The following EYS variants were observed in gnomAD, a reference collection of about 807,000 sequenced individuals.
EYS encodes EGF-like photoreceptor maintenance factor.
In EYS, 250 loss-of-function variants were observed where a neutral mutation model predicts 282.1. The observed-to-expected ratio is 0.89, with a 90% CI of 0.80 to 0.98. The LOEUF is 0.98. Ranked by LOEUF, EYS falls within the 50% of genes least tolerant of loss-of-function variation. EYS has a pLI of 0.00. For synonymous variants in EYS, 1,355 were observed against 1,282.9 expected (o/e 1.06, Z -1.20); for missense variants, 4,016 against 3,709.0 (o/e 1.08, Z -2.15).
At chr6:64,541,604 A>C (rs1764697271) in intron 26 of EYS, among the ~76,000 whole-genome samples, 1 of 152,084 alleles carries the variant, frequency 6.6e-6, no homozygotes, top group South Asian at 2.1e-4. Context: ...GTATTACTAA[A>C]GTATATTTTC....
intron 4 of EYS, among the ~76,000 whole-genome samples, chr6:65,492,432 A>T (rs1766084069): frequency 6.6e-6 from 1 of 152,192 alleles, no homozygotes. Flanking sequence ...AGTAGGAAGC[A>T]AACCATTCTA....
chr6:65,170,217 C>T (rs1208176171), intron 12 of EYS, among the ~76,000 whole-genome samples: 7 of 150,958 alleles, frequency 4.6e-5, no homozygotes, highest in African/African-American at 1.2e-4. Flanking sequence ...TGCACACACG[C>T]GCGCGTGCAC....
rs1296354646 is a variant in EYS, at chr6:65,282,722, T to C, written c.2023+13141A>G. Reference sequence around the variant, plus strand: ...ACAAAATAGCTCACTAATAATGGCTTTCCATAAAGACATGTGCACATTTTA... The same window carrying C: ...ACAAAATAGCTCACTAATAATGGCTCTCCATAAAGACATGTGCACATTTTA... On this transcript the variant is annotated intron_variant, in intron 12 of 42. Transcript: ENST00000503581. Among the ~76,000 whole-genome samples the C allele has an allele frequency of 3.3e-5, 5 of 152,110 alleles. No individual in the cohort carries two copies. The South Asian group carries it at 1.0e-3, about 32-fold the overall frequency.
intron 19 of EYS, among the ~76,000 whole-genome samples, chr6:64,838,992 T>C (rs181892674): frequency 3.3e-5 from 5 of 152,164 alleles, no homozygotes; most frequent in Admixed American, 2.6e-4. Flanking sequence ...ATGTGACATA[T>C]AGAATTTAAG....
intron 31 of EYS, among the ~76,000 whole-genome samples, chr6:64,165,047 T>TA (rs140609779): frequency 0.011 from 1,678 of 152,238 alleles, 29 homozygotes; most frequent in African/African-American, 0.038. Flanking sequence ...ACATTTCTAG[T>TA]AAAAATGACG....
intron 5 of EYS, among the ~76,000 whole-genome samples, chr6:65,466,417 C>G (rs2150413316): frequency 6.6e-6 from 1 of 151,844 alleles, no homozygotes; most frequent in Non-Finnish European, 1.5e-5. Context: ...TTATTAGAAA[C>G]AAATTCATTC....
At chr6:64,264,494 T>A (rs1767689944) in intron 30 of EYS, among the ~76,000 whole-genome samples, 1 of 152,108 alleles carries the variant, frequency 6.6e-6, no homozygotes, top group African/African-American at 2.4e-5. Context: ...AGTAGAAGTG[T>A]GTAATACCTC....
intron 22 of EYS, among the ~76,000 whole-genome samples, chr6:64,716,695 T>G (rs1191485258): frequency 6.6e-6 from 1 of 152,200 alleles, no homozygotes; most frequent in African/African-American, 2.4e-5. Context: ...CAACTAAGAA[T>G]GATGCGCTCA....
At chr6:65,329,271 C>T (rs1224558029) in intron 11 of EYS, 21 of 748,426 alleles carry the variant, frequency 2.8e-5, no homozygotes, top group Non-Finnish European at 3.3e-5. Flanking sequence ...AAACTTGAAA[C>T]TTTATTATTC....
chr6:64,123,967 T>C (rs1249620035), intron 31 of EYS, among the ~76,000 whole-genome samples: 1 of 152,134 alleles, frequency 6.6e-6, no homozygotes, highest in Admixed American at 6.5e-5. Context: ...TTACAACTAT[T>C]AGATAAAATG....
At chr6:65,526,167 C>T (rs4710296) in intron 2 of EYS, among the ~76,000 whole-genome samples, 15,263 of 152,134 alleles carry the variant, frequency 0.1, 926 homozygotes, top group South Asian at 0.19. Context: ...CCACCTGTCC[C>T]GTTATGGGCC....
intron 31 of EYS, among the ~76,000 whole-genome samples, chr6:64,138,286 T>A (rs891600374): frequency 2.6e-5 from 4 of 152,152 alleles, no homozygotes; most frequent in African/African-American, 9.7e-5. Flanking sequence ...CAAAATAATC[T>A]TTCTGGTATA....
chr6:64,625,823 T>C (rs1264112271), intron 23 of EYS, among the ~76,000 whole-genome samples: 3 of 152,184 alleles, frequency 2.0e-5, no homozygotes, highest in Non-Finnish European at 4.4e-5. Flanking sequence ...CCAGGCATAA[T>C]TGATACAAAG....
At chr6:64,998,066 AG>A (rs950036915) in intron 13 of EYS, among the ~76,000 whole-genome samples, 2 of 152,132 alleles carry the variant, frequency 1.3e-5, no homozygotes, top group African/African-American at 4.8e-5. Context: ...AATTTTCCCA[AG>A]TTGTTTTAGG....
chr6:63,741,876 CG>C, intron 41 of EYS: 1 of 701,470 alleles, frequency 1.4e-6, no homozygotes, highest in Non-Finnish European at 2.6e-6. Context: ...TCAGGGTAGT[CG>C]TATGTTTTTG....
At chr6:63,831,882 C>A (rs1424281166) in intron 36 of EYS, among the ~76,000 whole-genome samples, 2 of 152,138 alleles carry the variant, frequency 1.3e-5, no homozygotes, top group East Asian at 1.9e-4. Flanking sequence ...GACCACACTG[C>A]AATCAAACTA....
chr6:63,783,044 T>C (rs931389920), intron 39 of EYS, among the ~76,000 whole-genome samples: 1 of 151,758 alleles, frequency 6.6e-6, no homozygotes, highest in Non-Finnish European at 1.5e-5. Flanking sequence ...TCTCATATGA[T>C]TAAAAAAAGG....
intron 35 of EYS, among the ~76,000 whole-genome samples, chr6:63,938,762 G>A (rs117075696): frequency 3.3e-5 from 5 of 152,198 alleles, no homozygotes; most frequent in East Asian, 1.9e-4. Flanking sequence ...AAAATATTTG[G>A]CAAATGTCAC....
At chr6:64,118,531 C>T (rs75112885) in intron 31 of EYS, among the ~76,000 whole-genome samples, 10,412 of 151,962 alleles carry the variant, frequency 0.069, 1,085 homozygotes, top group African/African-American at 0.23. Flanking sequence ...ATATACAAAA[C>T]TGAACTCAAA....
Sources: allele counts gnomAD v4.1 joint callset (sites outside exome capture counted in the v4.1 genomes callset), GRCh38; gene constraint gnomAD v4.1.1; transcripts MANE v1.5; gene names NCBI Gene and HGNC (gene_info 2026-07-23, HGNC 2026-07-21).